CADM1: variants seen among roughly 807,000 people sequenced by gnomAD.
CADM1 encodes cell adhesion molecule 1.
CADM1 carries 15 observed loss-of-function variants against 53.1 expected under a neutral mutation model. The observed-to-expected ratio is 0.28, with a 90% CI of 0.19 to 0.44. CADM1 has a LOEUF of 0.44. CADM1 is among the 20% of genes least tolerant of loss of function. The probability of loss-of-function intolerance (pLI) is 1.00; values close to 1 mark genes in which losing one functional copy is unlikely to be tolerated. For synonymous variants in CADM1, 281 were observed against 243.0 expected, an observed-to-expected ratio of 1.16 and a Z score of -1.45; for missense variants, 434 against 611.3, an observed-to-expected ratio of 0.71 and a Z score of 3.06.
At chr11:115,188,267 C>A (rs1406000226) in intron 10 of CADM1, among the ~76,000 whole-genome samples, 2 of 152,126 alleles carry the variant, frequency 1.3e-5, no homozygotes, top group East Asian at 1.9e-4. Context: ...CAAAACAATT[C>A]AAAACTCTTA....
intron 1 of CADM1, among the ~76,000 whole-genome samples, chr11:115,251,739 TTTTG>T (rs796102308): frequency 3.0e-4 from 45 of 152,326 alleles, no homozygotes; most frequent in African/African-American, 9.4e-4. Flanking sequence ...GCTAGTGGTT[TTTTG>T]TTTGTTTATT....
chr11:115,308,431 A>T (rs1009783656), intron 1 of CADM1, among the ~76,000 whole-genome samples: 1 of 151,882 alleles, frequency 6.6e-6, no homozygotes, highest in Non-Finnish European at 1.5e-5. Flanking sequence ...AATTGTAACC[A>T]CTGTTAATTC....
chr11:115,434,660 C>T (rs1948137714), intron 1 of CADM1, among the ~76,000 whole-genome samples: 1 of 152,062 alleles, frequency 6.6e-6, no homozygotes, highest in South Asian at 2.1e-4. Flanking sequence ...AGTAGGCATT[C>T]AGCAAGGACT....
rs11215556 is a variant in CADM1, at chr11:115,436,297, A to C, written c.124+67974T>G. Reference sequence around the variant, plus strand: ...TTTATAGATTTTTATGTAAGATTTTATTTTTATTTAAGAAAAATCTAGAGG... The same window carrying C: ...TTTATAGATTTTTATGTAAGATTTTCTTTTTATTTAAGAAAAATCTAGAGG... On this transcript the variant is annotated intron_variant, in intron 1 of 11. Coordinates refer to ENST00000331581, the MANE Select transcript of CADM1 (RefSeq NM_001301043.2). Among the ~76,000 whole-genome samples the C allele has an allele frequency of 5.0e-3, 765 of 152,240 alleles. 6 individuals carry two copies. Among genetic ancestry groups the C allele is most frequent in the African/African-American group, 0.018 (734 of 41,558 alleles).
chr11:115,198,504 A>G, intron 8 of CADM1, 66 bp from the exon 9 acceptor site: 1 of 1,243,624 alleles, frequency 8.0e-7, no homozygotes, highest in Non-Finnish European at 1.1e-6. Context: ...AAAAAAAGGG[A>G]AAATGGAAAA....
intron 1 of CADM1, among the ~76,000 whole-genome samples, chr11:115,288,997 T>C (rs1473676132): frequency 4.6e-5 from 7 of 152,178 alleles, no homozygotes; most frequent in South Asian, 2.1e-4. Context: ...AGGAACATGT[T>C]GATTTTGCTT....
intron 1 of CADM1, among the ~76,000 whole-genome samples, chr11:115,494,250 T>C (rs1490908138): frequency 6.6e-6 from 1 of 152,120 alleles, no homozygotes; most frequent in African/African-American, 2.4e-5. Flanking sequence ...TGAAATTTTT[T>C]GAAATAAAAG....
intron 1 of CADM1, among the ~76,000 whole-genome samples, chr11:115,251,727 G>A (rs1023499866): frequency 1.3e-5 from 2 of 152,174 alleles, no homozygotes; most frequent in African/African-American, 4.8e-5. Context: ...CATAAAGCAA[G>A]TGCTAGTGGT....
At chr11:115,224,312 C>G (rs762195892) in intron 5 of CADM1, among the ~76,000 whole-genome samples, 1 of 152,050 alleles carries the variant, frequency 6.6e-6, no homozygotes, top group Non-Finnish European at 1.5e-5. Context: ...CTACCCTTCT[C>G]TGGACCTTGG....
chr11:115,242,233 G>A (rs1055029762), intron 1 of CADM1, among the ~76,000 whole-genome samples: 1 of 151,808 alleles, frequency 6.6e-6, no homozygotes, highest in Admixed American at 6.6e-5. Context: ...CAGGCCCACC[G>A]GGCTTGCAGT....
intron 1 of CADM1, among the ~76,000 whole-genome samples, chr11:115,371,758 C>T (rs1296625497): frequency 2.0e-5 from 3 of 151,400 alleles, no homozygotes; most frequent in Non-Finnish European, 4.4e-5. Flanking sequence ...CCTGCCTCAG[C>T]CTCCTGAGTA....
chr11:115,446,224 G>A (rs112332204), intron 1 of CADM1, among the ~76,000 whole-genome samples: 139 of 152,172 alleles, frequency 9.1e-4, no homozygotes, highest in African/African-American at 3.0e-3. Flanking sequence ...AGAATACAGG[G>A]GTCAGGCATT....
chr11:115,363,112 C>T (rs1372272143), intron 1 of CADM1, among the ~76,000 whole-genome samples: 2 of 152,162 alleles, frequency 1.3e-5, no homozygotes, highest in Admixed American at 6.5e-5. Context: ...ATAAGCCAAG[C>T]GGCTGAGGCT....
intron 1 of CADM1, among the ~76,000 whole-genome samples, chr11:115,298,588 T>C (rs776323276): frequency 4.6e-5 from 7 of 152,224 alleles, no homozygotes; most frequent in East Asian, 1.9e-4. Flanking sequence ...CCTGTTACAA[T>C]TGTAATGACA....
chr11:115,265,249 C>T (rs1327983982), intron 1 of CADM1, among the ~76,000 whole-genome samples: 1 of 152,142 alleles, frequency 6.6e-6, no homozygotes, highest in Non-Finnish European at 1.5e-5. Context: ...GAAATTTCCC[C>T]TTTTCTCATG....
At chr11:115,455,719 G>T (rs1396719764) in intron 1 of CADM1, among the ~76,000 whole-genome samples, 1 of 152,096 alleles carries the variant, frequency 6.6e-6, no homozygotes, top group African/African-American at 2.4e-5. Context: ...CCCTTCAAAA[G>T]CTCCTCCCCC....
At chr11:115,238,049 A>G (rs974936831) in intron 3 of CADM1, among the ~76,000 whole-genome samples, 17 of 152,210 alleles carry the variant, frequency 1.1e-4, no homozygotes, top group African/African-American at 4.1e-4. Flanking sequence ...AGTCAAGCCA[A>G]TGAAAAGGAG....
At chr11:115,499,365 G>C (rs193245991) in intron 1 of CADM1, among the ~76,000 whole-genome samples, 1 of 152,244 alleles carries the variant, frequency 6.6e-6, no homozygotes, top group South Asian at 2.1e-4. Context: ...CCCTATGAAG[G>C]TGCTTTGGAT....
chr11:115,425,855 C>A (rs1265729693), intron 1 of CADM1, among the ~76,000 whole-genome samples: 2 of 152,214 alleles, frequency 1.3e-5, no homozygotes, highest in Admixed American at 1.3e-4. Context: ...TACTGCTTTA[C>A]GTGACCATGA....
Sources: allele counts gnomAD v4.1 joint callset (sites outside exome capture counted in the v4.1 genomes callset), GRCh38; gene constraint gnomAD v4.1.1; transcripts MANE v1.5; gene names NCBI Gene and HGNC (gene_info 2026-07-23, HGNC 2026-07-21).